The following FYN variants were observed in gnomAD, a reference collection of about 807,000 sequenced individuals.
FYN encodes FYN proto-oncogene, Src family tyrosine kinase.
In FYN, 10 loss-of-function variants were observed where a neutral mutation model predicts 70.2. The observed-to-expected ratio is 0.14, with a 90% CI of 0.09 to 0.24. FYN has a LOEUF of 0.24. FYN is among the 10% of genes least tolerant of loss of function. FYN has a pLI of 1.00. For synonymous variants in FYN, 236 were observed against 248.6 expected (o/e 0.95, Z 0.48); for missense variants, 319 against 673.1 (o/e 0.47, Z 5.82).
intron 3 of FYN, among the ~76,000 whole-genome samples, chr6:111,728,052 T>C (rs1033482244): frequency 6.6e-6 from 1 of 152,126 alleles, no homozygotes; most frequent in Non-Finnish European, 1.5e-5. Context: ...CTGGAACCAG[T>C]CCCAAACCTA....
intron 1 of FYN, among the ~76,000 whole-genome samples, chr6:111,852,617 C>A (rs949743824): frequency 2.0e-5 from 3 of 152,006 alleles, no homozygotes; most frequent in Non-Finnish European, 2.9e-5. Flanking sequence ...CAAGTACCAA[C>A]TGAAGGAACT....
intron 2 of FYN, among the ~76,000 whole-genome samples, chr6:111,821,841 AAAG>A (rs1410690816): frequency 1.3e-5 from 2 of 152,250 alleles, no homozygotes; most frequent in African/African-American, 4.8e-5. Flanking sequence ...ACACTTCTCA[AAAG>A]AAGACATTTC....
At chr6:111,707,006 GA>G (rs1800122359) in intron 6 of FYN, among the ~76,000 whole-genome samples, 1 of 152,178 alleles carries the variant, frequency 6.6e-6, no homozygotes, top group Non-Finnish European at 1.5e-5. Flanking sequence ...TCCAACTGGG[GA>G]TTTGGCTAGG....
Position 111,680,648 on chromosome 6 carries a change from G to C in FYN, c.1274-6018C>G, listed in dbSNP as rs141784168. On this transcript the variant is annotated intron_variant, in intron 12 of 13. Coordinates refer to ENST00000354650, the MANE Select transcript of FYN (RefSeq NM_002037.5). ...GCATCGTGACATTTCAAGGCCCATG[G>C]GTGTCTATCAGCAATTAGCAATTGG... 3.2e-3 allele frequency among the ~76,000 whole-genome samples: 485 copies of C among 152,254 alleles called. 3 individuals carry two copies. The highest frequency in any genetic ancestry group is 5.4e-3 in the Non-Finnish European group (369 of 68,022).
chr6:111,699,913 CTTTTTTTTTTT>C (rs71021861), intron 9 of FYN, 180 bp downstream of exon 9: 20 of 186,566 alleles, frequency 1.1e-4, no homozygotes, highest in African/African-American at 4.9e-4. Flanking sequence ...CACTTACTAT[CTTTTTTTTTTT>C]TTTTTTTTTT....
chr6:111,788,354 C>T (rs1771479180), intron 2 of FYN, among the ~76,000 whole-genome samples: 2 of 152,300 alleles, frequency 1.3e-5, no homozygotes, highest in South Asian at 4.1e-4. Context: ...CATCCTTTTT[C>T]GTTCACCTCT....
chr6:111,825,423 T>C (rs1466623016), intron 2 of FYN, among the ~76,000 whole-genome samples: 3 of 152,314 alleles, frequency 2.0e-5, no homozygotes, highest in South Asian at 4.1e-4. Context: ...AATCCTAGCA[T>C]TTTCTCTATC....
chr6:111,685,717 G>A (rs919197476), intron 12 of FYN, among the ~76,000 whole-genome samples: 2 of 152,220 alleles, frequency 1.3e-5, no homozygotes, highest in African/African-American at 2.4e-5. Flanking sequence ...GTGACCATCT[G>A]CTTCCTTCTT....
chr6:111,756,036 A>C (rs1203453065), intron 3 of FYN, among the ~76,000 whole-genome samples: 1 of 152,094 alleles, frequency 6.6e-6, no homozygotes, highest in Non-Finnish European at 1.5e-5. Flanking sequence ...TCAGAAAACA[A>C]AGATACACTA....
At chr6:111,684,884 A>G (rs1393004459) in intron 12 of FYN, among the ~76,000 whole-genome samples, 1 of 152,178 alleles carries the variant, frequency 6.6e-6, no homozygotes, top group Non-Finnish European at 1.5e-5. Context: ...GGACTGAAGA[A>G]AAAAGGAGCC....
chr6:111,699,694 G>C (rs1451586642), intron 9 of FYN: 10 of 1,604,082 alleles, frequency 6.2e-6, no homozygotes, highest in Non-Finnish European at 8.5e-6. Flanking sequence ...AATTAATAAA[G>C]AAAACACAGT....
Position 111,714,462 on chromosome 6 carries a change from C to T in FYN, c.248-19G>A. The stretch of plus-strand genomic sequence containing the variant: ...GTCACTCCTGCCGAAACGAAATTCA[C>T]AAGAAGGGAGATTATTACACAAGGG... On this transcript the variant is annotated intron_variant, in intron 4 of 13. Transcript: ENST00000354650. The T allele has an allele frequency of 1.3e-6, 2 of 1,545,562 alleles. No individual in the cohort carries two copies. The highest frequency in any genetic ancestry group is 1.8e-6 in the Non-Finnish European group (2 of 1,118,070).
At chr6:111,797,727 CAT>C (rs145975760) in intron 2 of FYN, among the ~76,000 whole-genome samples, 5,340 of 137,638 alleles carry the variant, frequency 0.039, 188 homozygotes, top group East Asian at 0.15. Context: ...CACACACACA[CAT>C]GACACACCCC....
chr6:111,770,542 T>C (rs1803404978), intron 3 of FYN, among the ~76,000 whole-genome samples: 1 of 152,142 alleles, frequency 6.6e-6, no homozygotes, highest in South Asian at 2.1e-4. Context: ...GCTTAGGGAG[T>C]ATGAAGAACA....
chr6:111,826,738 T>C (rs1465623755), intron 2 of FYN, among the ~76,000 whole-genome samples: 1 of 152,230 alleles, frequency 6.6e-6, no homozygotes, highest in Non-Finnish European at 1.5e-5. Flanking sequence ...TGTATTAATA[T>C]TTACTGCTTA....
At chr6:111,764,541 C>CT (rs1803151948) in intron 3 of FYN, among the ~76,000 whole-genome samples, 2 of 152,208 alleles carry the variant, frequency 1.3e-5, no homozygotes, top group African/African-American at 2.4e-5. Flanking sequence ...TAATGCAAAG[C>CT]TTGTGCCTCT....
intron 3 of FYN, among the ~76,000 whole-genome samples, chr6:111,762,221 G>A (rs1325218709): frequency 3.3e-5 from 5 of 152,200 alleles, no homozygotes; most frequent in Non-Finnish European, 2.9e-5. Context: ...ACAGCTGGGG[G>A]CCACCCTGGG....
chr6:111,848,738 C>A (rs572364798), intron 1 of FYN, among the ~76,000 whole-genome samples: 2 of 152,242 alleles, frequency 1.3e-5, no homozygotes, highest in East Asian at 3.9e-4. Flanking sequence ...TAAAGAGTGG[C>A]ATTTGCTTTT....
intron 3 of FYN, among the ~76,000 whole-genome samples, chr6:111,729,130 G>A (rs781471271): frequency 3.3e-5 from 5 of 152,186 alleles, no homozygotes; most frequent in Admixed American, 2.0e-4. Flanking sequence ...CCAGAAATCA[G>A]TGTAAAACCA....
Sources: gnomAD v4.1 joint callset for allele counts (sites outside exome capture counted in the v4.1 genomes callset) on GRCh38, gnomAD v4.1.1 for gene constraint, MANE v1.5 for transcripts, NCBI Gene and HGNC (gene_info 2026-07-23, HGNC 2026-07-21) for gene names.